Variants in SMG6 observed in about 807,000 individuals in gnomAD.
The protein encoded by SMG6 is SMG6 nonsense mediated mRNA decay factor, also known as telomerase-binding protein EST1A.
In SMG6, 66 loss-of-function variants were observed where a neutral mutation model predicts 142.2. The ratio of observed to expected loss-of-function variants is 0.46; its 90% CI spans 0.38 to 0.57. The LOEUF (loss-of-function observed/expected upper bound fraction) is 0.57, where lower values mean the gene tolerates loss of function less well. Ranked by LOEUF, SMG6 falls within the 20% of genes least tolerant of loss-of-function variation. SMG6 has a pLI of 0.00. For synonymous variants in SMG6, 779 were observed against 702.4 expected (o/e 1.11, Z -1.72); for missense variants, 1,793 against 1,832.0 (o/e 0.98, Z 0.39).
chr17:2,167,856 T>C (rs941583338), intron 13 of SMG6, among the ~76,000 whole-genome samples: 3 of 152,244 alleles, frequency 2.0e-5, no homozygotes, highest in Non-Finnish European at 4.4e-5. Flanking sequence ...AGGAAATGTT[T>C]ATATTTTTCA....
At chr17:2,083,712 G>A (rs185622428) in intron 14 of SMG6, among the ~76,000 whole-genome samples, 22 of 152,354 alleles carry the variant, frequency 1.4e-4, no homozygotes, top group African/African-American at 5.0e-4. Context: ...CCTAGCCCAT[G>A]GGGGAACACT....
At chr17:2,065,344 C>A in intron 17 of SMG6, 124 bp downstream of exon 17, 1 of 1,044,926 alleles carries the variant, frequency 9.6e-7, no homozygotes, top group Non-Finnish European at 1.4e-6. Flanking sequence ...ACTCCCCCAC[C>A]TGGGCCTCCA....
In SMG6 at chr17:2,172,779, T is replaced by C. The variant is rs1212994542; in HGVS notation, c.3236A>G (p.Tyr1079Cys). The change falls in exon 13 of 19, where the codon TAC becomes TGC. Residue 1079 changes from tyrosine to cysteine, a missense_variant. Tyr to Cys is a radical substitution (Grantham distance 194, BLOSUM62 -2). Around this residue, in one of 3 missense-constraint regions of SMG6, gnomAD observed 1,597 missense variants for 1,584.6 expected, o/e 1.01. Coordinates refer to ENST00000263073, the MANE Select transcript of SMG6 (RefSeq NM_017575.5). Reference sequence around the variant, plus strand: ...GGTGAGGTCATCATCCGGGTCCTTGTACAGTGGCACCTCAGACTGATTCAC... The same window carrying C: ...GGTGAGGTCATCATCCGGGTCCTTGCACAGTGGCACCTCAGACTGATTCAC... ...TAVNQSEVPLYKDPDDDLTLL... is the reference protein window; with the variant it reads ...TAVNQSEVPLCKDPDDDLTLL... The C allele has an allele frequency of 4.3e-6, 7 of 1,614,022 alleles. No homozygotes were observed. Among genetic ancestry groups the C allele is most frequent in the Non-Finnish European group, 5.9e-6 (7 of 1,180,036 alleles).
chr17:2,266,625 C>T (rs1056261311), intron 8 of SMG6, among the ~76,000 whole-genome samples: 1 of 152,144 alleles, frequency 6.6e-6, no homozygotes, highest in African/African-American at 2.4e-5. Context: ...CACCCTGGCA[C>T]TCTGTTTCTT....
At chr17:2,271,732 A>G (rs1177178728) in intron 8 of SMG6, among the ~76,000 whole-genome samples, 1 of 152,132 alleles carries the variant, frequency 6.6e-6, no homozygotes, top group Non-Finnish European at 1.5e-5. Flanking sequence ...ATAAAAATAA[A>G]AATAAAAAGC....
chr17:2,171,543 T>C (rs1034052706), intron 13 of SMG6, among the ~76,000 whole-genome samples: 15 of 132,520 alleles, frequency 1.1e-4, no homozygotes, highest in Non-Finnish European at 1.7e-4. Context: ...AACTGTTTGT[T>C]TGCTTGTTTG....
At chr17:2,091,859 T>G (rs926502308) in intron 13 of SMG6, among the ~76,000 whole-genome samples, 8 of 151,872 alleles carry the variant, frequency 5.3e-5, no homozygotes, top group African/African-American at 1.9e-4. Context: ...TGTGTGTTTT[T>G]TTTTAGTAGA....
At chr17:2,097,092 C>T (rs973112914) in intron 13 of SMG6, among the ~76,000 whole-genome samples, 12 of 152,202 alleles carry the variant, frequency 7.9e-5, no homozygotes, top group African/African-American at 2.9e-4. Flanking sequence ...GGACTCAAGG[C>T]CCTGGAGTAG....
At chr17:2,263,685 G>A (rs1169411113) in intron 8 of SMG6, among the ~76,000 whole-genome samples, 1 of 152,194 alleles carries the variant, frequency 6.6e-6, no homozygotes, top group Non-Finnish European at 1.5e-5. Flanking sequence ...AAAGAGCACA[G>A]TTCACTTCAA....
chr17:2,162,325 A>G (rs1039945783), intron 13 of SMG6, among the ~76,000 whole-genome samples: 1 of 151,978 alleles, frequency 6.6e-6, no homozygotes, highest in Non-Finnish European at 1.5e-5. Flanking sequence ...ATCCTGGCTA[A>G]CATGGTGAAA....
chr17:2,156,328 A>G (rs1437271433), intron 13 of SMG6, among the ~76,000 whole-genome samples: 1 of 127,574 alleles, frequency 7.8e-6, no homozygotes, highest in East Asian at 2.7e-4. Context: ...CGGGAGGTGG[A>G]GGATGAAGTG....
intron 13 of SMG6, among the ~76,000 whole-genome samples, chr17:2,117,154 G>C (rs1336678526): frequency 2.7e-5 from 4 of 149,216 alleles, no homozygotes; most frequent in Admixed American, 2.0e-4. Flanking sequence ...TAGTGCAGTA[G>C]CGTGAACATG....
intron 10 of SMG6, among the ~76,000 whole-genome samples, chr17:2,195,701 T>C (rs2072303156): frequency 6.6e-6 from 1 of 152,208 alleles, no homozygotes; most frequent in Non-Finnish European, 1.5e-5. Context: ...AATATTTATA[T>C]ATATTATCTC....
chr17:2,073,741 TC>T (rs1453043407), intron 15 of SMG6, among the ~76,000 whole-genome samples: 2 of 139,512 alleles, frequency 1.4e-5, no homozygotes, highest in Non-Finnish European at 3.1e-5. Flanking sequence ...AGACAGAGTC[TC>T]ATCCAAGCCT....
chr17:2,135,857 T>A (rs1406779165), intron 13 of SMG6, among the ~76,000 whole-genome samples: 1 of 151,992 alleles, frequency 6.6e-6, no homozygotes, highest in African/African-American at 2.4e-5. Context: ...CCCAGCTAAC[T>A]TAAATTTTGT....
At chr17:2,271,907 C>A (rs2074549721) in intron 8 of SMG6, among the ~76,000 whole-genome samples, 1 of 152,156 alleles carries the variant, frequency 6.6e-6, no homozygotes, top group Non-Finnish European at 1.5e-5. Flanking sequence ...TTTAAGTCAG[C>A]AAACTGTGGG....
chr17:2,274,571 C>T (rs1484497975), intron 8 of SMG6, among the ~76,000 whole-genome samples: 2 of 152,174 alleles, frequency 1.3e-5, no homozygotes, highest in African/African-American at 4.8e-5. Context: ...GTATTACATT[C>T]TATTTGGATA....
At chr17:2,252,133 G>A (rs575541820) in intron 8 of SMG6, among the ~76,000 whole-genome samples, 12 of 151,792 alleles carry the variant, frequency 7.9e-5, no homozygotes, top group African/African-American at 2.7e-4. Context: ...AAAGAAGGAG[G>A]CCGGGCACGG....
chr17:2,183,802 G>A (rs527247497), intron 12 of SMG6, among the ~76,000 whole-genome samples: 1 of 150,930 alleles, frequency 6.6e-6, no homozygotes, highest in East Asian at 2.0e-4. Context: ...AGCAGAGGCA[G>A]ACGAAAGCAG....
Sources: gnomAD v4.1 joint callset for allele counts (sites outside exome capture counted in the v4.1 genomes callset) on GRCh38, gnomAD v4.1.1 for gene constraint, gnomAD v4.1.1 regional missense constraint, MANE v1.5 for transcripts, NCBI Gene and HGNC (gene_info 2026-07-23, HGNC 2026-07-21) for gene names.